RBFOX1: variants seen among roughly 807,000 people sequenced by gnomAD.
The protein encoded by RBFOX1 is RNA binding fox-1 homolog 1.
In RBFOX1, 8 loss-of-function variants were observed where a neutral mutation model predicts 57.7. The observed-to-expected ratio is 0.14, with a 90% confidence interval of 0.08 to 0.25. The LOEUF (loss-of-function observed/expected upper bound fraction) is 0.25, where lower values mean the gene tolerates loss of function less well. Among genes scored for constraint, RBFOX1 ranks in the 10% least tolerant of loss-of-function variants. The probability of loss-of-function intolerance (pLI) is 1.00; values close to 1 mark genes in which losing one functional copy is unlikely to be tolerated. For synonymous variants in RBFOX1, 326 were observed against 222.4 expected (o/e 1.47, Z -4.15); for missense variants, 611 against 548.5 (o/e 1.11, Z -1.14).
rs114605087 is a variant in RBFOX1 at position 5,393,983 on chromosome 16, C to T, written c.220-73233C>T. On this transcript the variant is annotated intron_variant, in intron 1 of 2. Coordinates refer to the RBFOX1 transcript ENST00000585867. ...TGGAATCATACCGTATTTGTCTTTTCGTGTCTGGCTGATTTCGCTTAGCAT... is the reference window on the plus strand; with the variant it reads ...TGGAATCATACCGTATTTGTCTTTTTGTGTCTGGCTGATTTCGCTTAGCAT... Among the ~76,000 whole-genome samples, 1,095 of 152,256 alleles carry T rather than the reference C, an allele frequency of 7.2e-3. 16 individuals carry two copies. Among genetic ancestry groups the T allele is most frequent in the African/African-American group, 0.024 (1,014 of 41,544 alleles).
chr16:6,978,749 C>T (rs1327828744), intron 3 of RBFOX1, among the ~76,000 whole-genome samples: 1 of 152,204 alleles, frequency 6.6e-6, no homozygotes, highest in African/African-American at 2.4e-5. Context: ...AGGATTCGAA[C>T]CCCAGATTTG....
intron 1 of RBFOX1, chr16:5,270,956 G>A (rs570308694): frequency 8.1e-6 from 3 of 372,132 alleles, no homozygotes; most frequent in East Asian, 8.6e-5. Context: ...TCTGTTTAAA[G>A]TTCAGACTTA....
At chr16:7,332,865 T>A in intron 4 of RBFOX1, 5 of 1,484,882 alleles carry the variant, frequency 3.4e-6, no homozygotes, top group Non-Finnish European at 4.5e-6. Context: ...TCTCCCGGCG[T>A]TGATGAGTGC....
chr16:7,518,512 C>T, intron 5 of RBFOX1, 123 bp downstream of exon 5: 4 of 1,294,250 alleles, frequency 3.1e-6, no homozygotes, highest in South Asian at 3.6e-5. Context: ...TCCCTAAGCC[C>T]ACCCTCATCA....
chr16:6,518,715 G>A (rs542006884), intron 2 of RBFOX1, among the ~76,000 whole-genome samples: 14 of 152,020 alleles, frequency 9.2e-5, no homozygotes, highest in Middle Eastern at 3.4e-3. Flanking sequence ...CCATCCGTCC[G>A]TCCGTCCATC....
At chr16:5,445,763 C>T (rs974373546) in intron 1 of RBFOX1, among the ~76,000 whole-genome samples, 2 of 152,162 alleles carry the variant, frequency 1.3e-5, no homozygotes, top group African/African-American at 4.8e-5. Context: ...GGATCATTGC[C>T]ACTAAATTTT....
rs544991643 is a variant in RBFOX1, at chr16:7,253,862, C to T, written c.27+201764C>T. On this transcript the variant is annotated intron_variant, in intron 4 of 15. Coordinates refer to ENST00000550418, the MANE Select transcript of RBFOX1 (RefSeq NM_018723.4). ...TGCACATGAGAGCTCTTGAGAAATG[C>T]ATATTGGAGGATTTAATATTTTGTT... 3.3e-5 allele frequency among the ~76,000 whole-genome samples: 5 copies of T among 152,240 alleles called. No homozygotes were observed. In the South Asian group the frequency reaches 6.2e-4, roughly 19 times the overall value.
intron 2 of RBFOX1, among the ~76,000 whole-genome samples, chr16:5,573,786 A>C (rs1448314065): frequency 1.3e-5 from 2 of 152,014 alleles, no homozygotes; most frequent in Non-Finnish European, 2.9e-5. Flanking sequence ...ACATGGCAAG[A>C]TATCATATCT....
intron 5 of RBFOX1, among the ~76,000 whole-genome samples, chr16:7,572,406 A>G (rs907016105): frequency 1.3e-5 from 2 of 152,146 alleles, no homozygotes; most frequent in African/African-American, 4.8e-5. Context: ...TTCAAGTGGT[A>G]CAGTTTTGCC....
intron 4 of RBFOX1, among the ~76,000 whole-genome samples, chr16:7,178,986 G>A (rs1226963619): frequency 6.6e-6 from 1 of 152,134 alleles, no homozygotes; most frequent in Non-Finnish European, 1.5e-5. Flanking sequence ...CGGTGGCAGT[G>A]CATATGGCGG....
intron 4 of RBFOX1, among the ~76,000 whole-genome samples, chr16:5,971,829 A>G (rs72770968): frequency 0.09 from 13,661 of 152,208 alleles, 693 homozygotes; most frequent in South Asian, 0.19. Flanking sequence ...GCATGCTTCT[A>G]TGAGGGTGTT....
intron 2 of RBFOX1, among the ~76,000 whole-genome samples, chr16:6,554,760 A>G (rs984674402): frequency 1.1e-4 from 16 of 143,704 alleles, no homozygotes; most frequent in African/African-American, 4.5e-4. Flanking sequence ...ACACACACAG[A>G]CACACACACA....
intron 11 of RBFOX1, among the ~76,000 whole-genome samples, chr16:7,631,427 C>T (rs959019079): frequency 3.3e-5 from 5 of 152,152 alleles, no homozygotes; most frequent in African/African-American, 9.7e-5. Flanking sequence ...ATCCTCACCC[C>T]AATTCCCAGA....
intron 1 of RBFOX1, among the ~76,000 whole-genome samples, chr16:6,023,856 C>T (rs2095133312): frequency 6.6e-6 from 1 of 152,188 alleles, no homozygotes; most frequent in Non-Finnish European, 1.5e-5. Context: ...CAATGTCTAC[C>T]TCCATTATTT....
chr16:6,619,537 T>G (rs2098195130), intron 2 of RBFOX1, among the ~76,000 whole-genome samples: 1 of 152,112 alleles, frequency 6.6e-6, no homozygotes, highest in African/African-American at 2.4e-5. Context: ...TAAACTCAGC[T>G]TAAGCAAAAA....
intron 4 of RBFOX1, among the ~76,000 whole-genome samples, chr16:7,229,492 A>C (rs1204273738): frequency 4.7e-5 from 7 of 147,566 alleles, no homozygotes; most frequent in Admixed American, 4.7e-4. Flanking sequence ...TGTTATGGGA[A>C]GGCAGGAAGG....
At chr16:5,411,443 C>T (rs1412052840) in intron 1 of RBFOX1, among the ~76,000 whole-genome samples, 3 of 152,104 alleles carry the variant, frequency 2.0e-5, no homozygotes, top group Non-Finnish European at 2.9e-5. Flanking sequence ...GGCAAGGGAG[C>T]GACTTCTCCA....
At chr16:5,824,042 C>A (rs1171951782) in intron 3 of RBFOX1, among the ~76,000 whole-genome samples, 1 of 152,128 alleles carries the variant, frequency 6.6e-6, no homozygotes, top group African/African-American at 2.4e-5. Context: ...AGCCAGATGG[C>A]CTGGTTTCGA....
At chr16:5,676,319 A>G (rs945907940) in intron 3 of RBFOX1, among the ~76,000 whole-genome samples, 5 of 152,230 alleles carry the variant, frequency 3.3e-5, no homozygotes, top group Middle Eastern at 3.4e-3. Context: ...ATTCATCTAT[A>G]CTTGCATCTA....
Sources: allele counts gnomAD v4.1 joint callset (sites outside exome capture counted in the v4.1 genomes callset), GRCh38; gene constraint gnomAD v4.1.1; transcripts MANE v1.5; gene names NCBI Gene and HGNC (gene_info 2026-07-23, HGNC 2026-07-21).